PTK7: variants seen among roughly 807,000 people sequenced by gnomAD.
PTK7 encodes the protein inactive tyrosine-protein kinase 7.
Under a neutral mutation model 116.6 loss-of-function variants are expected in PTK7, and 39 were observed. The ratio of observed to expected loss-of-function variants is 0.33; its 90% CI spans 0.26 to 0.44. The LOEUF is 0.44. Among genes scored for constraint, PTK7 ranks in the 20% least tolerant of loss-of-function variants. The pLI is 1.00. For synonymous variants in PTK7, 546 were observed against 563.6 expected, an observed-to-expected ratio of 0.97 and a Z score of 0.44; for missense variants, 1,169 against 1,425.6, an observed-to-expected ratio of 0.82 and a Z score of 2.90.
chr6:43,146,576 G>A (rs1404670725), intron 16 of PTK7, 42 bp from the exon 17 acceptor site: 24 of 1,576,906 alleles, frequency 1.5e-5, no homozygotes, highest in Non-Finnish European at 2.0e-5. Flanking sequence ...ACAGCCAATG[G>A]CTGTGCACTG....
At position 43,158,896 on chromosome 6, in the gene PTK7, G is replaced by A. The variant is rs1384492082; in HGVS notation, c.2801G>A (p.Arg934His). Residue 934 changes from arginine (R) to histidine (H), a missense_variant, in exon 18 of 20, where the codon CGT becomes CAT. Coordinates refer to ENST00000230419, the MANE Select transcript of PTK7 (RefSeq NM_002821.5). The stretch of plus-strand genomic sequence containing the variant: ...TTTGTGCATAAGGACTTGGCTGCGC[G>A]TAACTGCCTGGTCAGTGCCCAGAGA... ...NRFVHKDLAA[R>H]NCLVSAQRQV... 6 of 1,614,102 alleles carry A rather than the reference G, an allele frequency of 3.7e-6. No individual in the cohort carries two copies. Among genetic ancestry groups the A allele is most frequent in the South Asian group, 1.1e-5 (1 of 91,088 alleles).
intron 17 of PTK7, among the ~76,000 whole-genome samples, chr6:43,152,814 C>G (rs889574687): frequency 6.6e-6 from 1 of 150,830 alleles, no homozygotes; most frequent in African/African-American, 2.4e-5. Flanking sequence ...GAGACAGAGT[C>G]TTACCCTGTC....
rs566867222 is a variant in PTK7, at chr6:43,143,570, G to A, written c.2201G>A (p.Arg734Gln). Reference protein sequence around the residue: ...FYCKKRCKAKRLQKQPEGEEP... With the variant: ...FYCKKRCKAKQLQKQPEGEEP... ...TGCAAGAAGCGCTGCAAAGCCAAGC[G>A]GCTGCAGAAGCAGCCCGAGGGCGAG... is the stretch of plus-strand genomic sequence containing the variant. Residue 734 changes from arginine (R) to glutamine (Q), a missense_variant, in exon 14 of 20, where the codon CGG becomes CAG. By Grantham distance (43) the Arg-to-Gln change is conservative (BLOSUM62 1). Coordinates refer to ENST00000230419, the MANE Select transcript of PTK7 (RefSeq NM_002821.5). The surrounding 1 kb of genome is among the most constrained non-coding windows in gnomAD (Gnocchi z 4.2). The A allele has an allele frequency of 1.7e-5, 27 of 1,613,554 alleles. No individual in the cohort carries two copies. Among genetic ancestry groups the A allele is most frequent in the South Asian group, 1.1e-4 (10 of 91,044 alleles).
At position 43,096,658 on chromosome 6, in the gene PTK7, A is replaced by G. The variant is rs558077084; in HGVS notation, c.79+20091A>G. Among the ~76,000 whole-genome samples, 5 of 152,240 alleles carry G rather than the reference A, an allele frequency of 3.3e-5. No homozygotes were observed. In the East Asian group the frequency reaches 9.7e-4, roughly 30 times the overall value. ...ATGGAGAGCTTCCCTTGTGCTCTGC[A>G]CTTCCTGCCTTTTGCTGCTGCCCTG... On this transcript the variant is annotated intron_variant, in intron 1 of 19. Coordinates refer to ENST00000230419, the MANE Select transcript of PTK7 (RefSeq NM_002821.5).
intron 17 of PTK7, among the ~76,000 whole-genome samples, chr6:43,150,286 G>A (rs142246070): frequency 3.3e-5 from 5 of 152,314 alleles, no homozygotes; most frequent in Non-Finnish European, 7.4e-5. Flanking sequence ...GTTAAAATTG[G>A]AAAGGAAGGA....
intron 1 of PTK7, among the ~76,000 whole-genome samples, chr6:43,121,846 C>T (rs1407723358): frequency 6.6e-6 from 1 of 152,150 alleles, no homozygotes; most frequent in African/African-American, 2.4e-5. Context: ...TTCTTCAAAA[C>T]GTTACAAATG....
At chr6:43,134,578 G>A (rs1325460344) in intron 7 of PTK7, among the ~76,000 whole-genome samples, 2 of 151,880 alleles carry the variant, frequency 1.3e-5, no homozygotes, top group African/African-American at 4.8e-5. Flanking sequence ...TCAGGAGTTC[G>A]AGATCAGCCT....
Position 43,129,109 on chromosome 6 carries a change from C to G in PTK7, c.212C>G (p.Pro71Arg). 1 of 1,614,214 alleles carries G rather than the reference C, an allele frequency of 6.2e-7. No homozygotes were observed. The highest frequency in any genetic ancestry group is 8.5e-7 in the Non-Finnish European group (1 of 1,180,044). Residue 71 changes from proline (P) to arginine (R), a missense_variant, in exon 2 of 20, where the codon CCT (proline) becomes CGT (arginine). Transcript: ENST00000230419. This position sits in a 1 kb window ranked among gnomAD's most constrained non-coding sequence, Gnocchi z 4.5. ...VHVYWLLDGA[P>R]VQDTERRFAQ... ...GTGTACTGGCTGCTCGATGGGGCCC[C>G]TGTCCAGGACACGGAGCGGCGTTTC... is the stretch of plus-strand genomic sequence containing the variant.
intron 17 of PTK7, among the ~76,000 whole-genome samples, chr6:43,154,162 C>CTAAATAAATAAA (rs371217159): frequency 0.066 from 9,838 of 149,936 alleles, 382 homozygotes; most frequent in Admixed American, 0.089. Flanking sequence ...GACTCAGTCT[C>CTAAATAAATAAA]TAAATAAATA....
At chr6:43,124,773 A>G (rs1769185515) in intron 1 of PTK7, among the ~76,000 whole-genome samples, 1 of 152,216 alleles carries the variant, frequency 6.6e-6, no homozygotes, top group Admixed American at 6.5e-5. Context: ...CTGAGCAAAC[A>G]TGGGTGCCGC....
chr6:43,126,339 T>TCCTAG (rs1769286844), intron 1 of PTK7, among the ~76,000 whole-genome samples: 1 of 151,434 alleles, frequency 6.6e-6, no homozygotes, highest in Non-Finnish European at 1.5e-5. Context: ...AAAAGAAAGG[T>TCCTAG]CCTAGGATTT....
At chr6:43,116,521 A>G (rs1366336239) in intron 1 of PTK7, among the ~76,000 whole-genome samples, 1 of 151,764 alleles carries the variant, frequency 6.6e-6, no homozygotes, top group African/African-American at 2.4e-5. Context: ...TCTTTCTCTT[A>G]TCCCTTTGAA....
chr6:43,142,039 A>G lies in PTK7; in HGVS notation c.1877A>G (p.Lys626Arg). 1 of 1,613,820 alleles carries G rather than the reference A, an allele frequency of 6.2e-7. No individual in the cohort carries two copies. The highest frequency in any genetic ancestry group is 8.5e-7 in the Non-Finnish European group (1 of 1,179,940). Residue 626 changes from lysine to arginine, a missense_variant, in exon 12 of 20, where the codon AAA (lysine) becomes AGA (arginine). Around this residue, in one of 3 missense-constraint regions of PTK7, gnomAD observed 678 missense variants for 853.8 expected, o/e 0.79. Coordinates refer to ENST00000230419, the MANE Select transcript of PTK7 (RefSeq NM_002821.5). ...QGDPKPLIQWKGKDRILDPTK... is the reference protein window; with the variant it reads ...QGDPKPLIQWRGKDRILDPTK... ...GACCCCAAGCCGCTGATTCAGTGGA[A>G]AGGCAAGGACCGCATCCTGGACCCC...
At chr6:43,110,092 G>A (rs939687281) in intron 1 of PTK7, among the ~76,000 whole-genome samples, 2 of 150,608 alleles carry the variant, frequency 1.3e-5, no homozygotes, top group Admixed American at 1.3e-4. Flanking sequence ...CGTCTCCTAG[G>A]TTCCAGTGAT....
chr6:43,108,955 C>T (rs1582108555), intron 1 of PTK7, among the ~76,000 whole-genome samples: 1 of 152,300 alleles, frequency 6.6e-6, no homozygotes, highest in African/African-American at 2.4e-5. Flanking sequence ...ACAGATATAG[C>T]TGTTCAAGAA....
chr6:43,107,532 C>A (rs537042361), intron 1 of PTK7, among the ~76,000 whole-genome samples: 37 of 152,282 alleles, frequency 2.4e-4, no homozygotes, highest in African/African-American at 8.4e-4. Context: ...AGTAAGTGGT[C>A]AGTAAGTGGT....
chr6:43,142,614 C>T (rs1770489811), intron 13 of PTK7: 1 of 448,422 alleles, frequency 2.2e-6, no homozygotes, highest in South Asian at 2.0e-5. Flanking sequence ...GGGAGGAGGA[C>T]CAGGTCAGAA....
chr6:43,154,738 A>C (rs1771321582), intron 17 of PTK7, among the ~76,000 whole-genome samples: 1 of 152,146 alleles, frequency 6.6e-6, no homozygotes, highest in South Asian at 2.1e-4. Flanking sequence ...CGGGCTTGGC[A>C]CCTCTGCTGG....
intron 17 of PTK7, among the ~76,000 whole-genome samples, chr6:43,147,718 G>A (rs536957974): frequency 1.3e-5 from 2 of 152,348 alleles, no homozygotes; most frequent in East Asian, 3.9e-4. Context: ...CCTTCAGGCT[G>A]GCCCCCTCTT....
Sources: allele counts gnomAD v4.1 joint callset (sites outside exome capture counted in the v4.1 genomes callset), GRCh38; gene constraint gnomAD v4.1.1; regional missense constraint gnomAD v4.1.1; non-coding constraint Gnocchi (gnomAD v3.1); transcripts MANE v1.5; gene names NCBI Gene and HGNC (gene_info 2026-07-23, HGNC 2026-07-21).